USP24: variants seen among roughly 807,000 people sequenced by gnomAD.
USP24 encodes ubiquitin carboxyl-terminal hydrolase 24.
A neutral mutation model predicts 361.6 loss-of-function variants in USP24; 97 were observed. The ratio of observed to expected loss-of-function variants is 0.27; its 90% CI spans 0.23 to 0.32. The LOEUF (loss-of-function observed/expected upper bound fraction) is 0.32. Among genes scored for constraint, USP24 ranks in the 10% least tolerant of loss-of-function variants. The pLI is 1.00. For missense variants in USP24, 2,353 were observed against 3,165.6 expected (o/e 0.74, Z 6.16); for synonymous variants, 1,098 against 1,124.6 (o/e 0.98, Z 0.47).
intron 16 of USP24, chr1:55,152,094 G>A (rs188355663): frequency 5.8e-5 from 34 of 589,748 alleles, no homozygotes; most frequent in Non-Finnish European, 6.6e-5. Context: ...TCAGCAATGT[G>A]TACTTTGTAA....
At chr1:55,164,424 A>G (rs1648611514) in intron 7 of USP24, among the ~76,000 whole-genome samples, 1 of 151,890 alleles carries the variant, frequency 6.6e-6, no homozygotes, top group African/African-American at 2.4e-5. Flanking sequence ...TTTTCCTAGT[A>G]TTTTTAAATT....
At chr1:55,176,891 T>C (rs1339199024) in intron 2 of USP24, among the ~76,000 whole-genome samples, 1 of 148,986 alleles carries the variant, frequency 6.7e-6, no homozygotes, top group Non-Finnish European at 1.5e-5. Flanking sequence ...AGCCCAAGAG[T>C]TTGAGACCAG....
chr1:55,154,355 C>G lies in USP24; in HGVS notation c.1650+16G>C. On this transcript the variant is annotated intron_variant, in intron 14 of 67. Coordinates refer to ENST00000294383, the MANE Select transcript of USP24 (RefSeq NM_015306.3). Reference sequence around the variant, plus strand: ...TTGAGCATTTGTAGCTAGAAAAATCCATTTGATTCTCCTGCCTTTCCAGAA... The same window carrying G: ...TTGAGCATTTGTAGCTAGAAAAATCGATTTGATTCTCCTGCCTTTCCAGAA... 1.3e-6 allele frequency: 2 copies of G among 1,553,740 alleles called. No individual in the cohort carries two copies. The highest frequency in any genetic ancestry group is 1.7e-6 in the Non-Finnish European group (2 of 1,148,094).
chr1:55,111,940 C>T (rs894913336), intron 38 of USP24, among the ~76,000 whole-genome samples: 5 of 151,990 alleles, frequency 3.3e-5, no homozygotes, highest in African/African-American at 1.2e-4. Context: ...AGTGTTAATA[C>T]ACACAATTAA....
At chr1:55,163,887 A>C (rs1648554397) in intron 7 of USP24, among the ~76,000 whole-genome samples, 1 of 151,962 alleles carries the variant, frequency 6.6e-6, no homozygotes, top group Non-Finnish European at 1.5e-5. Context: ...TTGAGTATAG[A>C]CAGATTCTGG....
intron 22 of USP24, 38 bp from the exon 23 acceptor site, chr1:55,142,833 A>G (rs779936964): frequency 1.4e-6 from 2 of 1,458,754 alleles, no homozygotes; most frequent in African/African-American, 2.9e-5. Flanking sequence ...AGTCCTTGAC[A>G]TTTAGTTGTA....
chr1:55,214,801 C>T lies in USP24; in HGVS notation c.313G>A (p.Val105Met). The T allele has an allele frequency of 8.2e-7, 1 of 1,224,376 alleles. No homozygotes were observed. The highest frequency in any genetic ancestry group is 1.0e-6 in the Non-Finnish European group (1 of 973,398). The allele number at this position is 1,224,376 out of a possible 1,614,324, so 75.8% of individuals were successfully genotyped here. A position where few individuals can be genotyped will look rare whatever the true frequency, so the allele number is the denominator to read the frequency against. ...FDPPPAYHEV[V>M]DAEKNDENGN... is the part of the protein sequence containing the mutation. ...TTGCCCCTCCTCACCTCCGCGTCCA[C>T]CACCTCGTGGTAGGCGGGCGGGGGG... The change falls in exon 1 of 68, where the codon GTG becomes ATG. Residue 105 changes from valine (V) to methionine (M), a missense_variant. Val to Met is a conservative substitution (Grantham distance 21). Coordinates refer to ENST00000294383, the MANE Select transcript of USP24 (RefSeq NM_015306.3).
At chr1:55,166,683 G>T in intron 5 of USP24, 80 bp from the exon 6 acceptor site, 1 of 1,296,614 alleles carries the variant, frequency 7.7e-7, no homozygotes, top group South Asian at 1.4e-5. Flanking sequence ...TATCCTAAAT[G>T]AAAAGTCAGA....
chr1:55,090,061 A>G (rs1040486800), intron 54 of USP24, among the ~76,000 whole-genome samples: 1 of 152,218 alleles, frequency 6.6e-6, no homozygotes, highest in Non-Finnish European at 1.5e-5. Context: ...ATTAGACAAA[A>G]GGCCTGAACT....
At position 55,214,873 on chromosome 1, in the gene USP24, C is replaced by A. The variant is rs1644947337; in HGVS notation, c.241G>T (p.Gly81Cys). Residue 81 changes from glycine to cysteine, a missense_variant, in exon 1 of 68, where the codon GGC (glycine) becomes TGC (cysteine). By Grantham distance (159) the Gly-to-Cys change is radical. Transcript: ENST00000294383. ...RGDGGGDGGGGGPSRGGSTGG... is the reference protein window; with the variant it reads ...RGDGGGDGGGCGPSRGGSTGG... ...GTGCTCCCGCCGCGGGAGGGGCCGC[C>A]GCCGCCGCCGTCACCTCCGCCGTCG... 2.9e-5 allele frequency: 36 copies of A among 1,220,728 alleles called. No homozygotes were observed. The highest frequency in any genetic ancestry group is 3.6e-5 in the Non-Finnish European group (35 of 974,974). The allele number at this position is 1,220,728 out of a possible 1,614,324, so 75.6% of individuals were successfully genotyped here. A position where few individuals can be genotyped will look rare whatever the true frequency, so the allele number is the denominator to read the frequency against.
At chr1:55,071,596 G>T in intron 67 of USP24, 1 of 1,251,030 alleles carries the variant, frequency 8.0e-7, no homozygotes, top group Middle Eastern at 3.0e-4. Context: ...CAAACACCTC[G>T]AGGCCTTCCA....
chr1:55,132,781 T>G, intron 30 of USP24, 81 bp from the exon 31 acceptor site: 1 of 1,374,818 alleles, frequency 7.3e-7, no homozygotes, highest in East Asian at 2.5e-5. Context: ...CACGTCCTAA[T>G]ATTCTTTCCC....
chr1:55,086,144 C>CG, intron 55 of USP24, 106 bp from the exon 56 acceptor site: 1 of 1,088,594 alleles, frequency 9.2e-7, no homozygotes, highest in Admixed American at 1.9e-5. Context: ...AGTAGAGTCT[C>CG]CTGACAGTGT....
chr1:55,121,041 C>T (rs1309767624), intron 37 of USP24, among the ~76,000 whole-genome samples: 1 of 152,118 alleles, frequency 6.6e-6, no homozygotes, highest in Non-Finnish European at 1.5e-5. Flanking sequence ...TTAAGTTAAT[C>T]CTCAAGGTCA....
At position 55,130,085 on chromosome 1, in the gene USP24, C is replaced by T. The variant is rs114276703; in HGVS notation, c.3538-511G>A. ...TTAAGTGACTGCCCACCCAAGGTCA[C>T]GTGGTTAGAATTCAAATCCAGATGT... On this transcript the variant is annotated intron_variant, in intron 31 of 67. Transcript: ENST00000294383. Among the ~76,000 whole-genome samples, 365 of 152,314 alleles carry T rather than the reference C, an allele frequency of 2.4e-3. 1 individual carries two copies. Among genetic ancestry groups the T allele is most frequent in the African/African-American group, 8.4e-3 (348 of 41,580 alleles).
At chr1:55,143,950 A>AGCCT (rs1646960429) in intron 21 of USP24, among the ~76,000 whole-genome samples, 177 bp downstream of exon 21, 1 of 152,128 alleles carries the variant, frequency 6.6e-6, no homozygotes, top group South Asian at 2.1e-4. Context: ...TGCAGGTAGG[A>AGCCT]GCCTCCCTTA....
chr1:55,071,435 C>T lies in USP24; in HGVS notation c.7800+379G>A, dbSNP rs573238298. On this transcript the variant is annotated intron_variant, in intron 67 of 67. Coordinates refer to ENST00000294383, the MANE Select transcript of USP24 (RefSeq NM_015306.3). Reference sequence around the variant, plus strand: ...TTCAAGAGCACGGGAGCTTTTCTTTCAAGAGTCCACATTTCCAGGAAGGCT... The same window carrying T: ...TTCAAGAGCACGGGAGCTTTTCTTTTAAGAGTCCACATTTCCAGGAAGGCT... 94 of 1,011,552 alleles carry T rather than the reference C, an allele frequency of 9.3e-5. No homozygotes were observed. The African/African-American group carries it at 1.4e-3, about 15-fold the overall frequency. 62.7% of individuals were successfully genotyped at this position (1,011,552 alleles called of 1,614,324 possible).
At chr1:55,095,512 A>C (rs1270325338) in intron 50 of USP24, 116 bp from the exon 51 acceptor site, 2 of 1,148,666 alleles carry the variant, frequency 1.7e-6, no homozygotes, top group Non-Finnish European at 2.4e-6. Context: ...TAAGTTTGTA[A>C]AATGCAAAGT....
At chr1:55,188,202 C>A (rs377254382) in intron 1 of USP24, among the ~76,000 whole-genome samples, 46 of 152,176 alleles carry the variant, frequency 3.0e-4, no homozygotes, top group African/African-American at 1.1e-3. Flanking sequence ...GGTGCTGAGA[C>A]AACTGAATAT....
Sources: gnomAD v4.1 joint callset for allele counts (sites outside exome capture counted in the v4.1 genomes callset) on GRCh38, gnomAD v4.1.1 for gene constraint, MANE v1.5 for transcripts, NCBI Gene and HGNC (gene_info 2026-07-23, HGNC 2026-07-21) for gene names.